DNAH9: variants seen among roughly 807,000 people sequenced by gnomAD.
DNAH9 encodes DNAH9 variant protein.
A neutral mutation model predicts 471.6 loss-of-function variants in DNAH9; 345 were observed. The observed-to-expected ratio is 0.73, with a 90% CI of 0.67 to 0.80. The LOEUF (loss-of-function observed/expected upper bound fraction) is 0.80. Ranked by LOEUF, DNAH9 falls within the 30% of genes least tolerant of loss-of-function variation. DNAH9 has a pLI of 0.00. For synonymous variants in DNAH9, 2,093 were observed against 2,123.6 expected (o/e 0.99, Z 0.40); for missense variants, 5,407 against 5,609.2 (o/e 0.96, Z 1.15).
chr17:11,929,461 G>A (rs1367128591), intron 62 of DNAH9, among the ~76,000 whole-genome samples: 1 of 152,156 alleles, frequency 6.6e-6, no homozygotes, highest in Non-Finnish European at 1.5e-5. Context: ...TGGGGCACAA[G>A]AATCTGTATT....
intron 41 of DNAH9, 116 bp downstream of exon 41, chr17:11,784,655 C>A: frequency 7.0e-7 from 1 of 1,426,526 alleles, no homozygotes; most frequent in Non-Finnish European, 9.7e-7. Context: ...AGCCACTGTT[C>A]ATATGTAATC....
At chr17:11,946,663 CAA>C (rs754149437) in intron 67 of DNAH9, among the ~76,000 whole-genome samples, 11 of 67,928 alleles carry the variant, frequency 1.6e-4, no homozygotes, top group Middle Eastern at 8.1e-3. Context: ...GACTCCATCT[CAA>C]AAAAAAAAAA....
intron 27 of DNAH9, among the ~76,000 whole-genome samples, chr17:11,724,906 G>C (rs563105552): frequency 2.0e-5 from 3 of 152,098 alleles, no homozygotes; most frequent in Non-Finnish European, 4.4e-5. Flanking sequence ...TGGGGGCCCT[G>C]GTCTTCTCTT....
At chr17:11,748,295 C>T (rs1034326677) in intron 32 of DNAH9, among the ~76,000 whole-genome samples, 10 of 152,056 alleles carry the variant, frequency 6.6e-5, no homozygotes, top group African/African-American at 2.4e-4. Flanking sequence ...CCACTGCACT[C>T]CAGTCTGGGT....
intron 6 of DNAH9, among the ~76,000 whole-genome samples, chr17:11,621,226 G>A (rs971093770): frequency 2.0e-5 from 3 of 151,832 alleles, no homozygotes; most frequent in African/African-American, 7.3e-5. Flanking sequence ...TGGCCAACAT[G>A]GTGAAATCCC....
chr17:11,697,408 A>T (rs1313594816), intron 22 of DNAH9, among the ~76,000 whole-genome samples: 1 of 152,014 alleles, frequency 6.6e-6, no homozygotes, highest in Non-Finnish European at 1.5e-5. Context: ...TGCCTGCTTT[A>T]AAAAAAATTT....
At chr17:11,954,115 G>A (rs1975521340) in intron 67 of DNAH9, 1 of 149,208 alleles carries the variant, frequency 6.7e-6, no homozygotes, top group African/African-American at 2.4e-5. Context: ...ATAATATCAA[G>A]TGGTCTAACA....
chr17:11,701,667 TG>T (rs1567731950), intron 24 of DNAH9, among the ~76,000 whole-genome samples: 3 of 150,256 alleles, frequency 2.0e-5, no homozygotes, highest in Non-Finnish European at 4.5e-5. Flanking sequence ...TTGTTGTTGT[TG>T]TTTTGTTTTG....
chr17:11,817,326 A>T (rs1466155715), intron 45 of DNAH9, among the ~76,000 whole-genome samples: 1 of 152,200 alleles, frequency 6.6e-6, no homozygotes, highest in African/African-American at 2.4e-5. Flanking sequence ...TTCTTCTTAA[A>T]GGTTCTAGGG....
Position 11,784,520 on chromosome 17 carries a change from A to G in DNAH9, c.8042A>G (p.Asp2681Gly). The G allele has an allele frequency of 6.2e-7, 1 of 1,613,998 alleles. No homozygotes were observed. Among genetic ancestry groups the G allele is most frequent in the East Asian group, 2.2e-5 (1 of 44,880 alleles). The change falls in exon 41 of 69, where the codon GAT becomes GGT. Residue 2681 changes from aspartate to glycine, a missense_variant. Asp to Gly is a moderately conservative substitution (Grantham distance 94). Around this residue, in one of 3 missense-constraint regions of DNAH9, gnomAD observed 4,636 missense variants for 4,900.3 expected, o/e 0.95. Coordinates refer to ENST00000262442, the MANE Select transcript of DNAH9 (RefSeq NM_001372.4). ...TTCCACTACATCTTCAACCTCAGAG[A>G]TTTTGCCAACATTTTCCAGGTGAGT... Reference protein sequence around the residue: ...IKFHYIFNLRDFANIFQGILF... With the variant: ...IKFHYIFNLRGFANIFQGILF...
intron 66 of DNAH9, among the ~76,000 whole-genome samples, chr17:11,939,157 T>G (rs1446034079): frequency 6.6e-6 from 1 of 152,190 alleles, no homozygotes; most frequent in Non-Finnish European, 1.5e-5. Context: ...ACCTAGTGAT[T>G]TTGATGAGGT....
intron 8 of DNAH9, among the ~76,000 whole-genome samples, chr17:11,632,949 T>C (rs1009405261): frequency 3.3e-5 from 5 of 152,192 alleles, no homozygotes; most frequent in African/African-American, 7.2e-5. Flanking sequence ...GAAGAATTTC[T>C]GCGGTGATCT....
chr17:11,680,713 T>G lies in DNAH9; in HGVS notation c.3577-10T>G, dbSNP rs1380482761. On this transcript the variant is annotated splice_polypyrimidine_tract_variant and intron_variant, in intron 18 of 68. Coordinates refer to ENST00000262442, the MANE Select transcript of DNAH9 (RefSeq NM_001372.4). ...TTGGGAATCTGACCACACTGAGGTT[T>G]CCTTTGCAGGAGCTGCCTGAGAAAT... is the stretch of plus-strand genomic sequence containing the variant. The G allele has an allele frequency of 6.2e-7, 1 of 1,613,748 alleles. No homozygotes were observed. Among genetic ancestry groups the G allele is most frequent in the Admixed American group, 1.7e-5 (1 of 59,998 alleles).
Position 11,619,550 on chromosome 17 carries a change from C to T in DNAH9, c.1119C>T (p.Ala373=). 2 of 1,600,786 alleles carry T rather than the reference C, an allele frequency of 1.2e-6. No individual in the cohort carries two copies. Among genetic ancestry groups the T allele is most frequent in the South Asian group, 1.1e-5 (1 of 90,776 alleles). ...ATACTAATCTGTTTGTATACCAGGC[C>T]TCTAATTATCTCAGCCCAGAAGACC... ...QEICNLLIQQ[A]SNYLSPEDLL... Residue 373 remains alanine (A), a splice_region_variant and synonymous_variant, in exon 6 of 69, where the codon GCC becomes GCT. Coordinates refer to ENST00000262442, the MANE Select transcript of DNAH9 (RefSeq NM_001372.4).
At chr17:11,794,397 T>A (rs1194006968) in intron 42 of DNAH9, among the ~76,000 whole-genome samples, 1 of 152,142 alleles carries the variant, frequency 6.6e-6, no homozygotes, top group Non-Finnish European at 1.5e-5. Flanking sequence ...TTGAAATAAT[T>A]TTAAAGACTG....
intron 54 of DNAH9, among the ~76,000 whole-genome samples, chr17:11,880,701 A>G (rs1972684995): frequency 6.6e-6 from 1 of 152,102 alleles, no homozygotes; most frequent in Admixed American, 6.6e-5. Flanking sequence ...AGGGCAGAGT[A>G]ATTATCATGA....
intron 43 of DNAH9, among the ~76,000 whole-genome samples, chr17:11,806,910 A>G (rs1448796335): frequency 6.6e-6 from 1 of 152,188 alleles, no homozygotes; most frequent in Non-Finnish European, 1.5e-5. Flanking sequence ...GGGGTTAGAC[A>G]TACGATTGGA....
At chr17:11,809,292 A>G (rs1234971620) in intron 44 of DNAH9, among the ~76,000 whole-genome samples, 1 of 152,128 alleles carries the variant, frequency 6.6e-6, no homozygotes. Context: ...GAGGCTGGGC[A>G]CAGTGGCTCA....
chr17:11,879,405 A>G (rs573286115), intron 53 of DNAH9, among the ~76,000 whole-genome samples: 2 of 152,160 alleles, frequency 1.3e-5, no homozygotes, highest in Admixed American at 6.5e-5. Context: ...GTATTCTTTT[A>G]GGTTAACTTT....
Sources: allele counts gnomAD v4.1 joint callset (sites outside exome capture counted in the v4.1 genomes callset), GRCh38; gene constraint gnomAD v4.1.1; regional missense constraint gnomAD v4.1.1; transcripts MANE v1.5; gene names NCBI Gene and HGNC (gene_info 2026-07-23, HGNC 2026-07-21).